NOC3L: variants seen among roughly 807,000 people sequenced by gnomAD.
NOC3L encodes the protein NOC3 like DNA replication regulator, also known as nucleolar complex protein 3 homolog.
A neutral mutation model predicts 102.5 loss-of-function variants in NOC3L; 85 were observed. The ratio of observed to expected loss-of-function variants is 0.83; its 90% CI spans 0.70 to 0.99. The LOEUF is 0.99. Among genes scored for constraint, NOC3L ranks in the 50% least tolerant of loss-of-function variants. NOC3L has a pLI of 0.00. For missense variants in NOC3L, 878 were observed against 914.9 expected, an observed-to-expected ratio of 0.96 and a Z score of 0.52; for synonymous variants, 303 against 309.4, an observed-to-expected ratio of 0.98 and a Z score of 0.22.
At chr10:94,338,326 T>C (rs2054245297) in intron 18 of NOC3L, among the ~76,000 whole-genome samples, 1 of 152,156 alleles carries the variant, frequency 6.6e-6, no homozygotes, top group African/African-American at 2.4e-5. Context: ...TGAAGAGTGT[T>C]AGGGAAAGAT....
intron 18 of NOC3L, 126 bp downstream of exon 18, chr10:94,338,482 C>A: frequency 9.3e-7 from 1 of 1,070,664 alleles, no homozygotes; most frequent in Non-Finnish European, 1.3e-6. Context: ...CACAGGAATT[C>A]TAAAAAAGGC....
At chr10:94,324,282 A>G in the NOC3L span, 6 of 1,277,056 alleles carry the variant, frequency 4.7e-6, no homozygotes, top group South Asian at 1.2e-5. Flanking sequence ...TTAAAGTTTC[A>G]TATAGAATGA....
chr10:94,342,800 G>A (rs1010159679), intron 13 of NOC3L, among the ~76,000 whole-genome samples: 1 of 151,944 alleles, frequency 6.6e-6, no homozygotes, highest in Non-Finnish European at 1.5e-5. Flanking sequence ...AAGATGGCAG[G>A]CAGGCCCGGT....
chr10:94,361,064 T>TGTCTAATAATCTGATATAGTC (rs879341434), intron 2 of NOC3L, among the ~76,000 whole-genome samples: 2 of 152,178 alleles, frequency 1.3e-5, no homozygotes, highest in Non-Finnish European at 2.9e-5. Context: ...ACTGAATAGT[T>TGTCTAATAATCTGATATAGTC]GTCTAATAAT....
intron 13 of NOC3L, among the ~76,000 whole-genome samples, chr10:94,343,067 G>GA (rs1451781000): frequency 6.8e-6 from 1 of 147,590 alleles, no homozygotes; most frequent in African/African-American, 2.5e-5. Context: ...CTGAGCAACA[G>GA]AGCAAGACAG....
intron 18 of NOC3L, 117 bp from the exon 19 acceptor site, chr10:94,337,991 T>C (rs2054242532): frequency 3.2e-6 from 2 of 616,062 alleles, no homozygotes; most frequent in East Asian, 2.9e-5. Flanking sequence ...ATCACCTATG[T>C]ACAGTATATG....
At chr10:94,321,700 T>G in the NOC3L span, among the ~76,000 whole-genome samples, 13,429 of 151,522 alleles carry the variant, frequency 0.089, 666 homozygotes, top group East Asian at 0.2. Context: ...ATCAACATCA[T>G]CAGAAGCACA....
Position 94,338,642 on chromosome 10 carries a change from T to A in NOC3L, c.2057A>T (p.Gln686Leu). The change falls in exon 18 of 21, where the codon CAG becomes CTG. Residue 686 changes from glutamine (Q) to leucine (L), a missense_variant. Gln to Leu is a moderately radical substitution (Grantham distance 113). Coordinates refer to ENST00000371361, the MANE Select transcript of NOC3L (RefSeq NM_022451.11). ...ELDEPEYCNA[Q>L]NTALWELHAL... Reference sequence around the variant, plus strand: ...ATGCAGTTCCCACAGAGCAGTGTTCTGAGCATTGCAGTACTCAGGCTCATC... The same window carrying A: ...ATGCAGTTCCCACAGAGCAGTGTTCAGAGCATTGCAGTACTCAGGCTCATC... The A allele has an allele frequency of 6.2e-7, 1 of 1,609,512 alleles. No individual in the cohort carries two copies. Among genetic ancestry groups the A allele is most frequent in the Non-Finnish European group, 8.5e-7 (1 of 1,177,046 alleles).
In NOC3L at chr10:94,357,332, C is replaced by G. The variant is rs1260621117; in HGVS notation, c.351-1G>C. On this transcript the variant is annotated splice_acceptor_variant, in intron 3 of 20. Transcript: ENST00000371361. LOFTEE classifies it high-confidence loss of function. ...CCGTTTCTTCGCATGAACAGGCTCA[C>G]TGCAGGGGAAAAAAAGATCAATTTT... 1 of 1,568,514 alleles carries G rather than the reference C, an allele frequency of 6.4e-7. No individual in the cohort carries two copies. The highest frequency in any genetic ancestry group is 8.6e-7 in the Non-Finnish European group (1 of 1,160,502).
In NOC3L at chr10:94,352,527, C is replaced by T. The variant is rs147869076; in HGVS notation, c.859-124G>A. ...TTAAAAAAACAAAAAACAAAAAACG[C>T]GGCAGTCGTTTAGGCCAGGCGTGGT... On this transcript the variant is annotated intron_variant, in intron 7 of 20. Coordinates refer to ENST00000371361, the MANE Select transcript of NOC3L (RefSeq NM_022451.11). 658 of 662,852 alleles carry T rather than the reference C, an allele frequency of 9.9e-4. 3 individuals carry two copies. The African/African-American group carries it at 0.011, about 11-fold the overall frequency. The allele number at this position is 662,852 out of a possible 1,614,324, so 41.1% of individuals were successfully genotyped here. A position where few individuals can be genotyped will look rare whatever the true frequency, so the allele number is the denominator to read the frequency against.
rs746919567 is a variant in NOC3L, at chr10:94,346,476, T to C, written c.1338A>G (p.Lys446=). 1.3e-6 allele frequency: 2 copies of C among 1,506,218 alleles called. No individual in the cohort carries two copies. The highest frequency in any genetic ancestry group is 1.8e-6 in the Non-Finnish European group (2 of 1,120,934). 93.3% of individuals were successfully genotyped at this position (1,506,218 alleles called of 1,614,324 possible). A position where few individuals can be genotyped will look rare whatever the true frequency, so the allele number is the denominator to read the frequency against. The change falls in exon 11 of 21, where the codon AAA becomes AAG. Residue 446 remains lysine (K), a synonymous_variant. Coordinates refer to ENST00000371361, the MANE Select transcript of NOC3L (RefSeq NM_022451.11). ...KDTEDINKPK[K]FMTFKEKRKS... is the part of the protein sequence containing the mutation. ...TTCTCTTTTCTTTGAAAGTCATAAA[T>C]TTTTTTGGTTTATTAATGTCTTCTG...
chr10:94,338,884 AT>A, intron 17 of NOC3L, 148 bp from the exon 18 acceptor site: 1 of 585,248 alleles, frequency 1.7e-6, no homozygotes, highest in Non-Finnish European at 2.6e-6. Flanking sequence ...ATAAAAAACA[AT>A]TTAAGTTTAT....
At chr10:94,356,693 T>C in intron 4 of NOC3L, 102 bp from the exon 5 acceptor site, 1 of 735,634 alleles carries the variant, frequency 1.4e-6, no homozygotes, top group Non-Finnish European at 2.3e-6. Context: ...AGGATAGCAG[T>C]TACTTTTATG....
intron 11 of NOC3L, among the ~76,000 whole-genome samples, chr10:94,345,993 A>ATAAT (rs1315295355): frequency 6.6e-6 from 1 of 152,194 alleles, no homozygotes; most frequent in African/African-American, 2.4e-5. Context: ...AAATAAATAA[A>ATAAT]GTTTCCAAAG....
the NOC3L span, among the ~76,000 whole-genome samples, chr10:94,320,262 C>G: frequency 6.6e-6 from 1 of 152,006 alleles, no homozygotes; most frequent in African/African-American, 2.4e-5. Context: ...TCTTCCCCCC[C>G]TTCCATTATA....
Position 94,362,937 on chromosome 10 carries a change from A to T in NOC3L, c.-99T>A, listed in dbSNP as rs921172838. 6.3e-7 allele frequency: 1 copy of T among 1,589,368 alleles called. No individual in the cohort carries two copies. Among genetic ancestry groups the T allele is most frequent in the Admixed American group, 1.7e-5 (1 of 59,804 alleles). ...ACACACGTGCCGAAGTCCCTACACT[A>T]CCAGAGCCGGAAACGGCCTTCAGTC... On this transcript the variant is annotated 5_prime_UTR_variant, in exon 1 of 21. Coordinates refer to ENST00000371361, the MANE Select transcript of NOC3L (RefSeq NM_022451.11).
the NOC3L span, chr10:94,327,868 T>G: frequency 1.2e-5 from 5 of 406,986 alleles, no homozygotes; most frequent in East Asian, 1.3e-4. Flanking sequence ...ACCTAGCCAC[T>G]AGAGCTGTGG....
At chr10:94,319,981 T>C in the NOC3L span, among the ~76,000 whole-genome samples, 3 of 149,770 alleles carry the variant, frequency 2.0e-5, no homozygotes, top group Non-Finnish European at 4.4e-5. Flanking sequence ...ACCACTCTCC[T>C]GCCTCAGCCT....
At position 94,355,052 on chromosome 10, in the gene NOC3L, G is replaced by A. The variant is rs1280363453; in HGVS notation, c.607C>T (p.His203Tyr). Residue 203 changes from histidine to tyrosine, a missense_variant, in exon 6 of 21, where the codon CAT (histidine) becomes TAT (tyrosine). Transcript: ENST00000371361. Reference protein sequence around the residue: ...DPIQELTIEEHLIERKKKLQE... With the variant: ...DPIQELTIEEYLIERKKKLQE... ...AATTTCTTCTTTCTCTCAATCAAAT[G>A]TTCTTCTATGGTCAGCTCTTGAATA... The A allele has an allele frequency of 6.2e-7, 1 of 1,612,450 alleles. No homozygotes were observed. Among genetic ancestry groups the A allele is most frequent in the Non-Finnish European group, 8.5e-7 (1 of 1,179,130 alleles).
Sources: gnomAD v4.1 joint callset for allele counts (sites outside exome capture counted in the v4.1 genomes callset) on GRCh38, gnomAD v4.1.1 for gene constraint, MANE v1.5 for transcripts, NCBI Gene and HGNC (gene_info 2026-07-23, HGNC 2026-07-21) for gene names.